ERP44: variants seen among roughly 807,000 people sequenced by gnomAD.
ERP44 encodes the protein endoplasmic reticulum resident protein 44.
Under a neutral mutation model 53.4 loss-of-function variants are expected in ERP44, and 25 were observed. That is an observed-to-expected ratio of 0.47 (90% confidence interval 0.34 to 0.65). The LOEUF is 0.65. Ranked by LOEUF, ERP44 falls within the 30% of genes least tolerant of loss-of-function variation. ERP44 has a pLI of 0.01. For synonymous variants in ERP44, 145 were observed against 161.2 expected (o/e 0.90, Z 0.76); for missense variants, 338 against 493.2 (o/e 0.69, Z 2.98).
chr9:99,979,910 C>A lies in ERP44; in HGVS notation c.*2702G>T, dbSNP rs1830130371. The A allele has an allele frequency of 2.5e-6, 1 of 398,480 alleles. No homozygotes were observed. Among genetic ancestry groups the A allele is most frequent in the African/African-American group, 2.1e-5 (1 of 48,738 alleles). 24.7% of individuals were successfully genotyped at this position (398,480 alleles called of 1,614,324 possible). A position where few individuals can be genotyped will look rare whatever the true frequency, so the allele number is the denominator to read the frequency against. On this transcript the variant is annotated 3_prime_UTR_variant, in exon 12 of 12. Coordinates refer to ENST00000262455, the MANE Select transcript of ERP44 (RefSeq NM_015051.3). ...TCTGTTGATGGATCTCTTCTGCCTACAATATATACTACAAACCCCTTAGTC... is the reference window on the plus strand; with the variant it reads ...TCTGTTGATGGATCTCTTCTGCCTAAAATATATACTACAAACCCCTTAGTC...
At chr9:100,067,156 G>C (rs1378829026) in intron 1 of ERP44, among the ~76,000 whole-genome samples, 3 of 151,822 alleles carry the variant, frequency 2.0e-5, no homozygotes, top group Non-Finnish European at 4.4e-5. Context: ...TCTCGCTCTC[G>C]CTCTCCCTCT....
chr9:100,085,823 T>C (rs1462737644), intron 1 of ERP44, among the ~76,000 whole-genome samples: 1 of 152,194 alleles, frequency 6.6e-6, no homozygotes, highest in African/African-American at 2.4e-5. Flanking sequence ...TGCTTGAACC[T>C]GGGAGGCAGA....
intron 8 of ERP44, 112 bp from the exon 9 acceptor site, chr9:100,007,801 TCCCGGGGG>T: frequency 1.5e-6 from 1 of 686,456 alleles, no homozygotes; most frequent in Non-Finnish European, 2.6e-6. Context: ...AGTTGCAATA[TCCCGGGGG>T]AAAAAAAAGG....
chr9:100,025,037 G>A (rs185469141), intron 4 of ERP44, among the ~76,000 whole-genome samples: 2 of 152,216 alleles, frequency 1.3e-5, no homozygotes, highest in Admixed American at 6.5e-5. Flanking sequence ...TGAGGCAGGA[G>A]GTTTGCTCGA....
At chr9:99,989,699 G>C (rs577815140) in intron 10 of ERP44, among the ~76,000 whole-genome samples, 3 of 152,152 alleles carry the variant, frequency 2.0e-5, no homozygotes, top group African/African-American at 7.2e-5. Flanking sequence ...ACAGAAGTAG[G>C]CTTCAGAAGG....
intron 10 of ERP44, 118 bp from the exon 11 acceptor site, chr9:99,985,187 A>G (rs1830183341): frequency 1.6e-6 from 1 of 644,120 alleles, no homozygotes; most frequent in Non-Finnish European, 2.8e-6. Context: ...TACCACAACT[A>G]TTGCAGGCCA....
chr9:100,029,944 C>A (rs773159746), intron 4 of ERP44, among the ~76,000 whole-genome samples: 1 of 151,992 alleles, frequency 6.6e-6, no homozygotes, highest in East Asian at 1.9e-4. Flanking sequence ...AAAAATTAGC[C>A]GGGCGTGGTG....
intron 10 of ERP44, chr9:99,999,116 C>T (rs1830348949): frequency 3.2e-5 from 20 of 628,866 alleles, no homozygotes; most frequent in South Asian, 2.3e-4. Flanking sequence ...GTGGACACGG[C>T]GCACCTGAGG....
rs1830157997 is a variant in ERP44, at chr9:99,982,483, A to G, written c.*129T>C. ...TTTTGAGTCGGGGAGAAAAAAATTA[A>G]AAACCCAAAATTTCTTTCTGTTTAT... On this transcript the variant is annotated 3_prime_UTR_variant, in exon 12 of 12. Coordinates refer to ENST00000262455, the MANE Select transcript of ERP44 (RefSeq NM_015051.3). 2.3e-6 allele frequency: 1 copy of G among 428,942 alleles called. No individual in the cohort carries two copies. The highest frequency in any genetic ancestry group is 3.9e-6 in the Non-Finnish European group (1 of 258,280). The allele number at this position is 428,942 out of a possible 1,614,324, so 26.6% of individuals were successfully genotyped here.
At chr9:100,086,434 A>C (rs1286293305) in intron 1 of ERP44, among the ~76,000 whole-genome samples, 2 of 152,342 alleles carry the variant, frequency 1.3e-5, no homozygotes, top group African/African-American at 4.8e-5. Context: ...AAAAGATAAC[A>C]ATCACAGAAG....
At chr9:100,025,666 C>G (rs1830643440) in intron 4 of ERP44, among the ~76,000 whole-genome samples, 1 of 152,040 alleles carries the variant, frequency 6.6e-6, no homozygotes, top group African/African-American at 2.4e-5. Flanking sequence ...ATACTAAAAG[C>G]TGATATAACA....
In ERP44 at chr9:99,981,307, TTAAA is replaced by T. The variant is rs762260682; in HGVS notation, c.*1301_*1304del. The T allele has an allele frequency of 6.6e-6, 1 of 152,514 alleles. No individual in the cohort carries two copies. Among genetic ancestry groups the T allele is most frequent in the African/African-American group, 2.4e-5 (1 of 41,438 alleles). 9.4% of individuals were successfully genotyped at this position (152,514 alleles called of 1,614,324 possible). A position where few individuals can be genotyped will look rare whatever the true frequency, so the allele number is the denominator to read the frequency against. ...AGCTGGTTTTTAAAAATAACAATCA[TTAAA>T]TATCCATTATAAATATTAATTTTAT... On this transcript the variant is annotated 3_prime_UTR_variant, in exon 12 of 12. Coordinates refer to ENST00000262455, the MANE Select transcript of ERP44 (RefSeq NM_015051.3).
intron 10 of ERP44, among the ~76,000 whole-genome samples, chr9:99,994,533 AG>A (rs1362558503): frequency 6.6e-6 from 1 of 152,186 alleles, no homozygotes; most frequent in Non-Finnish European, 1.5e-5. Context: ...GGATAGCATT[AG>A]GAGAAATACC....
At chr9:100,018,339 A>C in intron 6 of ERP44, 26 bp from the exon 7 acceptor site, 1 of 1,431,144 alleles carries the variant, frequency 7.0e-7, no homozygotes, top group Non-Finnish European at 9.9e-7. Flanking sequence ...AATAGTAATA[A>C]ACCTGAATGA....
intron 10 of ERP44, 110 bp downstream of exon 10, chr9:100,006,396 C>G (rs1185262438): frequency 1.2e-6 from 1 of 805,462 alleles, no homozygotes; most frequent in Admixed American, 2.8e-5. Context: ...ATCCAGTTAA[C>G]AAAGTCTTAC....
At chr9:100,078,307 A>G (rs1260711215) in intron 1 of ERP44, among the ~76,000 whole-genome samples, 1 of 151,722 alleles carries the variant, frequency 6.6e-6, no homozygotes, top group East Asian at 1.9e-4. Context: ...AAAATACAAA[A>G]ATTAGCCAGG....
At chr9:100,081,277 C>T (rs1826419764) in intron 1 of ERP44, among the ~76,000 whole-genome samples, 1 of 151,990 alleles carries the variant, frequency 6.6e-6, no homozygotes, top group Non-Finnish European at 1.5e-5. Context: ...GGGGGATACC[C>T]ATCTTTAGTT....
In ERP44 at chr9:99,982,409, C is replaced by A; in HGVS notation, c.*203G>T. The A allele has an allele frequency of 5.4e-6, 1 of 184,014 alleles. No homozygotes were observed. The highest frequency in any genetic ancestry group is 1.2e-4 in the Admixed American group (1 of 8,136). 11.4% of individuals were successfully genotyped at this position (184,014 alleles called of 1,614,324 possible). ...GGCCTCTGATTTTTATTTTTAAATCCTAGCAGGTTTTTTTTTTTTAAGAGG... is the reference window on the plus strand; with the variant it reads ...GGCCTCTGATTTTTATTTTTAAATCATAGCAGGTTTTTTTTTTTTAAGAGG... On this transcript the variant is annotated 3_prime_UTR_variant, in exon 12 of 12. Coordinates refer to ENST00000262455, the MANE Select transcript of ERP44 (RefSeq NM_015051.3).
chr9:100,060,060 G>A (rs915662699), intron 2 of ERP44, 40 bp downstream of exon 2: 1 of 1,358,492 alleles, frequency 7.4e-7, no homozygotes, highest in Non-Finnish European at 9.6e-7. Flanking sequence ...ACTCTCTATA[G>A]AGAAGAAAGA....
Sources: gnomAD v4.1 joint callset for allele counts (sites outside exome capture counted in the v4.1 genomes callset) on GRCh38, gnomAD v4.1.1 for gene constraint, MANE v1.5 for transcripts, NCBI Gene and HGNC (gene_info 2026-07-23, HGNC 2026-07-21) for gene names.